The following NEMP1 variants were observed in gnomAD, a reference collection of about 807,000 sequenced individuals.
NEMP1 encodes nuclear envelope integral membrane protein 1.
Under a neutral mutation model 53.7 loss-of-function variants are expected in NEMP1, and 29 were observed. That is an observed-to-expected ratio of 0.54 (90% CI 0.40 to 0.74). The LOEUF (loss-of-function observed/expected upper bound fraction) is 0.74. Ranked by LOEUF, NEMP1 falls within the 30% of genes least tolerant of loss-of-function variation. The pLI is 0.00. For synonymous variants in NEMP1, 193 were observed against 192.9 expected (o/e 1.00, Z 0.00); for missense variants, 477 against 528.6 (o/e 0.90, Z 0.96).
chr12:57,086,914 T>C (rs2033011713), intron 1 of NEMP1, among the ~76,000 whole-genome samples: 1 of 152,172 alleles, frequency 6.6e-6, no homozygotes, highest in African/African-American at 2.4e-5. Context: ...CATTCTACAA[T>C]TTAGAGAGTT....
intron 2 of NEMP1, 107 bp downstream of exon 2, chr12:57,072,681 C>T: frequency 8.0e-7 from 1 of 1,255,624 alleles, no homozygotes; most frequent in Non-Finnish European, 1.1e-6. Context: ...AGATTGTTAA[C>T]AACATTTTTT....
At chr12:57,067,281 G>T (rs534753689) in intron 4 of NEMP1, among the ~76,000 whole-genome samples, 1 of 151,152 alleles carries the variant, frequency 6.6e-6, no homozygotes, top group Non-Finnish European at 1.5e-5. Flanking sequence ...CCGAGATCGC[G>T]TCACTACACT....
chr12:57,061,702 A>AC (rs1261606666), intron 7 of NEMP1, among the ~76,000 whole-genome samples: 3 of 144,638 alleles, frequency 2.1e-5, no homozygotes, highest in Admixed American at 7.0e-5. Context: ...TCAAAAAAAA[A>AC]AAAAAACAAA....
chr12:57,064,706 A>G lies in NEMP1; in HGVS notation c.579T>C (p.Thr193=). The change falls in exon 5 of 9, where the codon ACT becomes ACC. Residue 193 remains threonine (T), a synonymous_variant. Coordinates refer to ENST00000300128, the MANE Select transcript of NEMP1 (RefSeq NM_001130963.2). The stretch of plus-strand genomic sequence containing the variant: ...TTAGCAGAGAGGCCACAATTCCCAC[A>G]GTCATCCCAGTAGAGTAGTAGAAAA... ...SQIFYYSTGM[T]VGIVASLLII... 2 of 1,613,202 alleles carry G rather than the reference A, an allele frequency of 1.2e-6. No homozygotes were observed. Among genetic ancestry groups the G allele is most frequent in the Non-Finnish European group, 1.7e-6 (2 of 1,179,600 alleles).
In NEMP1 at chr12:57,087,272, T is replaced by C. The variant is rs542361230; in HGVS notation, n.113+679A>G. On this transcript the variant is annotated intron_variant and non_coding_transcript_variant, in intron 1 of 2. Coordinates refer to the NEMP1 transcript ENST00000553654. ...CCTTGGGCGGGCGTCTCCCTCCAGA[T>C]CCTAAGGCTCAGCGCCGCCCCAAGG... Among the ~76,000 whole-genome samples, 286 of 144,442 alleles carry C rather than the reference T, an allele frequency of 2.0e-3. 3 individuals are homozygous for C. Among genetic ancestry groups the C allele is most frequent in the Admixed American group, 4.8e-3 (71 of 14,696 alleles). The allele number at this position is 144,442 out of a possible 152,430, so 94.8% of individuals were successfully genotyped here.
chr12:57,063,072 TC>T, intron 7 of NEMP1, 46 bp downstream of exon 7: 1 of 1,468,192 alleles, frequency 6.8e-7, no homozygotes, highest in East Asian at 2.3e-5. Flanking sequence ...TGCAACTGCA[TC>T]CCACAATGTA....
At chr12:57,086,325 A>G (rs2032990698) in intron 1 of NEMP1, among the ~76,000 whole-genome samples, 1 of 152,220 alleles carries the variant, frequency 6.6e-6, no homozygotes, top group African/African-American at 2.4e-5. Flanking sequence ...ACCAGCACAG[A>G]TAAAAGAATA....
chr12:57,078,278 C>T (rs1003939734), intron 1 of NEMP1, among the ~76,000 whole-genome samples: 1 of 152,098 alleles, frequency 6.6e-6, no homozygotes, highest in African/African-American at 2.4e-5. Context: ...CCAGAATGGT[C>T]CCCAGGTTTT....
chr12:57,084,667 G>A (rs1048037293), intron 1 of NEMP1, among the ~76,000 whole-genome samples: 3 of 152,122 alleles, frequency 2.0e-5, no homozygotes, highest in Admixed American at 1.3e-4. Context: ...TATGGTTCCA[G>A]TAACACCACA....
chr12:57,082,680 C>CT (rs2032879870), upstream of NEMP1, among the ~76,000 whole-genome samples: 1 of 152,096 alleles, frequency 6.6e-6, no homozygotes, highest in African/African-American at 2.4e-5. Context: ...CCTCTGCACT[C>CT]CACCCTGGGT....
intron 4 of NEMP1, 118 bp downstream of exon 4, chr12:57,069,116 G>T: frequency 1.7e-6 from 1 of 591,386 alleles, no homozygotes; most frequent in Non-Finnish European, 2.8e-6. Flanking sequence ...ATCCAAGCAG[G>T]CAACGGCCAA....
At position 57,060,763 on chromosome 12, in the gene NEMP1, C is replaced by T. The variant is rs766909389; in HGVS notation, c.1154+9G>A. 7.5e-6 allele frequency: 12 copies of T among 1,608,556 alleles called. No individual in the cohort carries two copies. The highest frequency in any genetic ancestry group is 1.7e-4 in the Middle Eastern group (1 of 6,044). On this transcript the variant is annotated intron_variant, in intron 8 of 8. Coordinates refer to ENST00000300128, the MANE Select transcript of NEMP1 (RefSeq NM_001130963.2). ...CTGATAGATGCTTGGTATATCTGGC[C>T]GAGTTTACCTTTTTGGAGACTGGAT...
intron 8 of NEMP1, 46 bp from the exon 9 acceptor site, chr12:57,060,105 T>C: frequency 1.3e-6 from 2 of 1,562,440 alleles, no homozygotes; most frequent in Non-Finnish European, 1.7e-6. Context: ...CTTCTGTCCT[T>C]TCTGGTCTTC....
intron 1 of NEMP1, among the ~76,000 whole-genome samples, chr12:57,075,890 G>A (rs974253788): frequency 1.3e-5 from 2 of 149,246 alleles, no homozygotes; most frequent in Non-Finnish European, 1.5e-5. Context: ...ATCACTTGAG[G>A]TCAGGAGTTT....
At position 57,078,619 on chromosome 12, in the gene NEMP1, C is replaced by A; in HGVS notation, c.127G>T (p.Ala43Ser). Residue 43 changes from alanine (A) to serine (S), a missense_variant and splice_region_variant, in exon 1 of 9, where the codon GCT becomes TCT. By Grantham distance (99) the Ala-to-Ser change is moderately conservative. Transcript: ENST00000300128. ...TTGGCAGCTGCTGCCCGGGCGGTAC[C>A]TGTGCCGTAGACCAAGCAGCCGGAG... is the stretch of plus-strand genomic sequence containing the variant. ...ILSGCLVYGT[A>S]ETDVNVVMLQ... 1 of 1,610,318 alleles carries A rather than the reference C, an allele frequency of 6.2e-7. No individual in the cohort carries two copies.
intron 4 of NEMP1, among the ~76,000 whole-genome samples, chr12:57,068,035 T>C (rs1342336098): frequency 6.6e-6 from 1 of 152,116 alleles, no homozygotes; most frequent in African/African-American, 2.4e-5. Flanking sequence ...CCTCCCAAAG[T>C]GCTAGGATTA....
intron 7 of NEMP1, among the ~76,000 whole-genome samples, chr12:57,062,798 C>A (rs911021636): frequency 1.2e-4 from 18 of 152,086 alleles, no homozygotes; most frequent in Middle Eastern, 3.4e-3. Context: ...GAGCCGAGAT[C>A]ACGCCACTGC....
rs981111873 is a variant in NEMP1 at position 57,058,746 on chromosome 12, C to G, written c.*1133G>C. The G allele has an allele frequency of 6.6e-6, 1 of 152,134 alleles. No homozygotes were observed. Among genetic ancestry groups the G allele is most frequent in the Non-Finnish European group, 1.5e-5 (1 of 68,034 alleles). The allele number at this position is 152,134 out of a possible 1,614,324, so 9.4% of individuals were successfully genotyped here. ...TGCTGCATAACTACAAATTGTGTAT[C>G]AAGAAACTACATAGTTTCAAGGCTT... On this transcript the variant is annotated 3_prime_UTR_variant, in exon 9 of 9. Coordinates refer to ENST00000300128, the MANE Select transcript of NEMP1 (RefSeq NM_001130963.2).
intron 1 of NEMP1, among the ~76,000 whole-genome samples, chr12:57,074,984 G>T (rs2032533636): frequency 6.6e-6 from 1 of 152,112 alleles, no homozygotes; most frequent in Non-Finnish European, 1.5e-5. Context: ...CAGCTTCTTG[G>T]GAGGCTGAGG....
Sources: allele counts gnomAD v4.1 joint callset (sites outside exome capture counted in the v4.1 genomes callset), GRCh38; gene constraint gnomAD v4.1.1; transcripts MANE v1.5; gene names NCBI Gene and HGNC (gene_info 2026-07-23, HGNC 2026-07-21).